The following RBPJ variants were observed in gnomAD, a reference collection of about 807,000 sequenced individuals.
RBPJ encodes the protein recombination signal binding protein for immunoglobulin kappa J region, also known as recombining binding protein suppressor of hairless.
A neutral mutation model predicts 67.8 loss-of-function variants in RBPJ; 9 were observed. The ratio of observed to expected loss-of-function variants is 0.13; its 90% CI spans 0.08 to 0.23. The LOEUF (loss-of-function observed/expected upper bound fraction) is 0.23. Ranked by LOEUF, RBPJ falls within the 10% of genes least tolerant of loss-of-function variation. The pLI, the probability that RBPJ is intolerant of heterozygous loss-of-function variation, is 1.00. For synonymous variants in RBPJ, 198 were observed against 203.3 expected (o/e 0.97, Z 0.22); for missense variants, 305 against 595.6 (o/e 0.51, Z 5.08).
Position 26,379,166 on chromosome 4 carries a change from G to T in RBPJ, c.21-7187G>T, listed in dbSNP as rs184524325. Reference sequence around the variant, plus strand: ...GCATGTCTTTGAAATCTACCCCATAGGATGTGGGTTTTTTTGTTTTTGTTT... The same window carrying T: ...GCATGTCTTTGAAATCTACCCCATATGATGTGGGTTTTTTTGTTTTTGTTT... On this transcript the variant is annotated intron_variant, in intron 1 of 10. Transcript: ENST00000355476. Among the ~76,000 whole-genome samples, 748 of 152,210 alleles carry T rather than the reference G, an allele frequency of 4.9e-3. 3 individuals are homozygous for T. The highest frequency in any genetic ancestry group is 0.01 in the Middle Eastern group (3 of 294).
intron 1 of RBPJ, among the ~76,000 whole-genome samples, chr4:26,179,895 T>G (rs1716919874): frequency 6.6e-6 from 1 of 152,238 alleles, no homozygotes; most frequent in African/African-American, 2.4e-5. Context: ...GCAGCACTAT[T>G]CACAATAGAA....
At chr4:26,161,721 C>T (rs942727866), upstream of RBPJ, among the ~76,000 whole-genome samples, 2 of 152,198 alleles carry the variant, frequency 1.3e-5, no homozygotes, top group Non-Finnish European at 2.9e-5. Flanking sequence ...AGGAGGAGGC[C>T]TGAAGCTGGG....
intron 1 of RBPJ, among the ~76,000 whole-genome samples, chr4:26,210,752 C>CTTCT (rs762128862): frequency 0.16 from 7,668 of 46,936 alleles, 844 homozygotes; most frequent in East Asian, 0.2. Flanking sequence ...TCCTTCTTTC[C>CTTCT]TTCTTTCTTT....
chr4:26,263,522 A>G (rs933669980), intron 1 of RBPJ, among the ~76,000 whole-genome samples: 11 of 152,316 alleles, frequency 7.2e-5, no homozygotes, highest in African/African-American at 2.4e-4. Context: ...GTGCAATTAC[A>G]TGATTGTTTC....
chr4:26,373,880 T>C (rs1183951415), intron 1 of RBPJ, among the ~76,000 whole-genome samples: 1 of 152,116 alleles, frequency 6.6e-6, no homozygotes, highest in Non-Finnish European at 1.5e-5. Flanking sequence ...TGTCTTTAGA[T>C]TTCCTGAATT....
chr4:26,344,906 G>A (rs1054703527), intron 1 of RBPJ, among the ~76,000 whole-genome samples: 1 of 152,120 alleles, frequency 6.6e-6, no homozygotes, highest in Non-Finnish European at 1.5e-5. Flanking sequence ...CTGATCATAA[G>A]ATGTTCATAT....
intron 1 of RBPJ, among the ~76,000 whole-genome samples, chr4:26,313,163 T>A (rs1162882026): frequency 6.6e-6 from 1 of 152,194 alleles, no homozygotes; most frequent in Admixed American, 6.5e-5. Flanking sequence ...GCTCAAGTGA[T>A]CTGCCTGTCT....
intron 1 of RBPJ, among the ~76,000 whole-genome samples, chr4:26,240,846 G>A (rs2109218040): frequency 6.6e-6 from 1 of 152,232 alleles, no homozygotes; most frequent in Non-Finnish European, 1.5e-5. Context: ...GAGGGAGAAA[G>A]GTCTCCAAGT....
At chr4:26,188,284 C>G (rs1476863095) in intron 1 of RBPJ, among the ~76,000 whole-genome samples, 1 of 152,138 alleles carries the variant, frequency 6.6e-6, no homozygotes, top group Non-Finnish European at 1.5e-5. Context: ...CACTGACAAA[C>G]AATTCTTTGA....
intron 1 of RBPJ, among the ~76,000 whole-genome samples, chr4:26,227,151 T>C (rs185751571): frequency 1.3e-5 from 2 of 152,316 alleles, no homozygotes; most frequent in African/African-American, 2.4e-5. Flanking sequence ...TCCAGCATGA[T>C]TGGCAGCCAT....
At chr4:26,332,426 ATCAGCTGT>A (rs1452067324) in intron 1 of RBPJ, among the ~76,000 whole-genome samples, 1 of 152,192 alleles carries the variant, frequency 6.6e-6, no homozygotes, top group African/African-American at 2.4e-5. Context: ...ATACAAATAA[ATCAGCTGT>A]CCACCTAAGC....
At chr4:26,276,336 G>C (rs1306047257) in intron 1 of RBPJ, among the ~76,000 whole-genome samples, 2 of 151,298 alleles carry the variant, frequency 1.3e-5, no homozygotes, top group Non-Finnish European at 2.9e-5. Context: ...TAAATTTTAA[G>C]TTTCTACTTT....
At chr4:26,228,900 G>T (rs567259562) in intron 1 of RBPJ, among the ~76,000 whole-genome samples, 1 of 152,310 alleles carries the variant, frequency 6.6e-6, no homozygotes, top group African/African-American at 2.4e-5. Context: ...CATCTGAATG[G>T]CTCCTTGTTT....
In RBPJ at chr4:26,217,201, C is replaced by T. The variant is rs184690896; in HGVS notation, c.-167+53587C>T. The stretch of plus-strand genomic sequence containing the variant: ...ATTGACAAAGGCAATATGTAAAGAC[C>T]ATGCCTTAATGTGGCCTGGTAAAAC... On this transcript the variant is annotated intron_variant, in intron 1 of 4. Coordinates refer to the RBPJ transcript ENST00000512351. Among the ~76,000 whole-genome samples, 240 of 152,268 alleles carry T rather than the reference C, an allele frequency of 1.6e-3. 1 individual carries two copies. Among genetic ancestry groups the T allele is most frequent in the African/African-American group, 5.6e-3 (232 of 41,542 alleles).
intron 1 of RBPJ, among the ~76,000 whole-genome samples, chr4:26,191,321 A>G (rs545966586): frequency 6.0e-5 from 9 of 150,294 alleles, no homozygotes; most frequent in Admixed American, 4.7e-4. Flanking sequence ...ATTTTTTTAT[A>G]TATATACAGA....
chr4:26,319,824 A>C (rs758620188), upstream of RBPJ: 2 of 1,540,904 alleles, frequency 1.3e-6, no homozygotes, highest in Middle Eastern at 1.7e-4. Context: ...TGCGGGAGGC[A>C]GTGCTGGATC....
chr4:26,113,517 T>C, the RBPJ span: 11 of 538,640 alleles, frequency 2.0e-5, no homozygotes, highest in African/African-American at 2.1e-4. Context: ...GGAAAAACGT[T>C]CTGTGCGAAG....
the RBPJ span, among the ~76,000 whole-genome samples, chr4:26,124,098 G>C: frequency 6.3e-3 from 957 of 151,936 alleles, 6 homozygotes; most frequent in African/African-American, 0.021. Context: ...GTGATGTTTG[G>C]TTATAGGAAT....
chr4:26,370,898 G>T (rs921498745), intron 1 of RBPJ, among the ~76,000 whole-genome samples: 6 of 151,986 alleles, frequency 3.9e-5, no homozygotes, highest in African/African-American at 1.4e-4. Context: ...TGCTAACACA[G>T]TTAAACCCCG....
Sources: allele counts gnomAD v4.1 joint callset (sites outside exome capture counted in the v4.1 genomes callset), GRCh38; gene constraint gnomAD v4.1.1; transcripts MANE v1.5; gene names NCBI Gene and HGNC (gene_info 2026-07-23, HGNC 2026-07-21).